Variants in C12orf56 observed in about 807,000 individuals in gnomAD.
The protein encoded by C12orf56 is uncharacterized protein C12orf56.
In C12orf56, 71 loss-of-function variants were observed where a neutral mutation model predicts 69.9. That is an observed-to-expected ratio of 1.02 (90% confidence interval 0.84 to 1.24). C12orf56 has a LOEUF of 1.24. C12orf56 is among the 50% of genes most tolerant of loss of function. C12orf56 has a pLI of 0.00. For missense variants in C12orf56, 732 were observed against 738.5 expected, an observed-to-expected ratio of 0.99 and a Z score of 0.10; for synonymous variants, 276 against 274.1, an observed-to-expected ratio of 1.01 and a Z score of -0.07.
chr12:64,319,253 A>G (rs2038737161), intron 3 of C12orf56, among the ~76,000 whole-genome samples: 1 of 152,212 alleles, frequency 6.6e-6, no homozygotes, highest in Admixed American at 6.5e-5. Flanking sequence ...TATTGAAAGT[A>G]TTGTGCCTGT....
intron 6 of C12orf56, among the ~76,000 whole-genome samples, chr12:64,294,097 A>G (rs938680571): frequency 6.6e-6 from 1 of 152,198 alleles, no homozygotes; most frequent in East Asian, 1.9e-4. Flanking sequence ...AACATCACTA[A>G]TCACTAGGGA....
At chr12:64,353,229 C>T (rs941555098) in intron 1 of C12orf56, among the ~76,000 whole-genome samples, 173 bp from the exon 2 acceptor site, 2 of 152,080 alleles carry the variant, frequency 1.3e-5, no homozygotes, top group African/African-American at 4.8e-5. Context: ...GCGATCTCAA[C>T]TCATTGCAAC....
At chr12:64,333,183 G>T in intron 2 of C12orf56, among the ~76,000 whole-genome samples, 1 of 152,114 alleles carries the variant, frequency 6.6e-6, no homozygotes, top group South Asian at 2.1e-4. Context: ...AAACCACTTG[G>T]TCCTGGTGAT....
intron 1 of C12orf56, among the ~76,000 whole-genome samples, chr12:64,367,630 C>A (rs183248434): frequency 6.7e-6 from 1 of 149,532 alleles, no homozygotes; most frequent in Non-Finnish European, 1.5e-5. Flanking sequence ...CTCAGCCTCC[C>A]GAGTAGCTGA....
chr12:64,346,582 C>G (rs1231143949), intron 2 of C12orf56, among the ~76,000 whole-genome samples: 2 of 152,172 alleles, frequency 1.3e-5, no homozygotes, highest in African/African-American at 2.4e-5. Context: ...GTTATTAAAT[C>G]ATGGGTCACT....
chr12:64,271,153 A>AG, intron 11 of C12orf56, among the ~76,000 whole-genome samples: 1 of 147,066 alleles, frequency 6.8e-6, no homozygotes, highest in East Asian at 2.1e-4. Context: ...CAACAGAGCA[A>AG]GATTCCATCT....
chr12:64,389,602 T>C (rs1365828192), intron 1 of C12orf56, among the ~76,000 whole-genome samples: 1 of 152,116 alleles, frequency 6.6e-6, no homozygotes, highest in Non-Finnish European at 1.5e-5. Context: ...GTTCAAGCGA[T>C]TCTTGTGCCT....
At chr12:64,296,859 C>T (rs1409974290) in intron 6 of C12orf56, among the ~76,000 whole-genome samples, 1 of 92,478 alleles carries the variant, frequency 1.1e-5, no homozygotes, top group Non-Finnish European at 2.2e-5. Context: ...TGAGTTTGGC[C>T]CCCTTCCACC....
At chr12:64,373,320 G>A (rs936612534) in intron 1 of C12orf56, among the ~76,000 whole-genome samples, 1 of 151,996 alleles carries the variant, frequency 6.6e-6, no homozygotes, top group Non-Finnish European at 1.5e-5. Flanking sequence ...GCTGGGTGTG[G>A]TGGCATGTAC....
At chr12:64,297,199 C>A (rs942931732) in intron 6 of C12orf56, among the ~76,000 whole-genome samples, 7 of 152,008 alleles carry the variant, frequency 4.6e-5, no homozygotes, top group Non-Finnish European at 1.0e-4. Context: ...ATAAAAAAAT[C>A]TTAAAGGATG....
intron 1 of C12orf56, among the ~76,000 whole-genome samples, chr12:64,361,804 C>A (rs2039403313): frequency 6.6e-6 from 1 of 151,940 alleles, no homozygotes; most frequent in Admixed American, 6.6e-5. Context: ...ACAATCTCGG[C>A]TCACCGCAAC....
intron 12 of C12orf56, among the ~76,000 whole-genome samples, chr12:64,269,559 T>G (rs2037955049): frequency 6.6e-6 from 1 of 151,700 alleles, no homozygotes; most frequent in Non-Finnish European, 1.5e-5. Context: ...TCACAATCCA[T>G]AATTTATTAT....
rs374199045 is a variant in C12orf56 at position 64,390,608 on chromosome 12, C to T, written c.-43G>A. 3.0e-4 allele frequency: 438 copies of T among 1,440,438 alleles called. No homozygotes were observed. Among genetic ancestry groups the T allele is most frequent in the Non-Finnish European group, 3.8e-4 (417 of 1,105,958 alleles). The allele number at this position is 1,440,438 out of a possible 1,614,324, so 89.2% of individuals were successfully genotyped here. ...TGGCGGAGTGCTGGGACTCGAGGCC[C>T]TCAGCTCGCCCTCTCCCCGCCCCCG... On this transcript the variant is annotated 5_prime_UTR_variant, in exon 1 of 13. Coordinates refer to ENST00000543942, the MANE Select transcript of C12orf56 (RefSeq NM_001170633.2).
At chr12:64,315,883 A>T (rs1195066645) in intron 4 of C12orf56, among the ~76,000 whole-genome samples, 1 of 150,884 alleles carries the variant, frequency 6.6e-6, no homozygotes, top group Non-Finnish European at 1.5e-5. Flanking sequence ...GTGAGCCAAG[A>T]TCGCACCATT....
intron 6 of C12orf56, among the ~76,000 whole-genome samples, chr12:64,294,387 A>G (rs1029885653): frequency 2.0e-5 from 3 of 152,208 alleles, no homozygotes; most frequent in African/African-American, 4.8e-5. Context: ...TTGCATACCA[A>G]TGTTCATAGC....
chr12:64,303,633 A>ACC lies in C12orf56; in HGVS notation c.1113_1113+1dup. The ACC allele has an allele frequency of 6.5e-7, 1 of 1,538,536 alleles. No homozygotes were observed. The highest frequency in any genetic ancestry group is 8.7e-7 in the Non-Finnish European group (1 of 1,146,430). On this transcript the variant is annotated splice_donor_variant, in intron 6 of 12. Coordinates refer to ENST00000543942, the MANE Select transcript of C12orf56 (RefSeq NM_001170633.2). LOFTEE classifies it high-confidence loss of function. ...AGATTAAAAATAAAACAAAACACTTACCTTCCAGAAAAGCCTTTTCAGAAT... is the reference window on the plus strand; with the variant it reads ...AGATTAAAAATAAAACAAAACACTTACCCCTTCCAGAAAAGCCTTTTCAGAAT...
intron 1 of C12orf56, among the ~76,000 whole-genome samples, chr12:64,387,111 G>A (rs1210816555): frequency 0.023 from 1,072 of 47,274 alleles, no homozygotes; most frequent in African/African-American, 0.055. Context: ...AAAAAAAAAA[G>A]ATGTGTTCAC....
At chr12:64,295,083 A>C (rs893500766) in intron 6 of C12orf56, among the ~76,000 whole-genome samples, 1 of 152,038 alleles carries the variant, frequency 6.6e-6, no homozygotes, top group Non-Finnish European at 1.5e-5. Flanking sequence ...GGGTTTCACC[A>C]TGCTGGCCAG....
In C12orf56 at chr12:64,274,990, G is replaced by A. The variant is rs1247392241; in HGVS notation, c.1510-15C>T. On this transcript the variant is annotated splice_polypyrimidine_tract_variant and intron_variant, in intron 10 of 12. Transcript: ENST00000543942. ...CCGAGATTTCCCTAAAAGACTCAAG[G>A]AAATAAACAAGTTATATTCATAAAG... 7.6e-6 allele frequency: 12 copies of A among 1,586,268 alleles called. No homozygotes were observed. In the East Asian group the frequency reaches 2.5e-4, roughly 33 times the overall value.
Sources: gnomAD v4.1 joint callset for allele counts (sites outside exome capture counted in the v4.1 genomes callset) on GRCh38, gnomAD v4.1.1 for gene constraint, MANE v1.5 for transcripts, NCBI Gene and HGNC (gene_info 2026-07-23, HGNC 2026-07-21) for gene names.